The following CACNA1A variants were observed in gnomAD, a reference collection of about 807,000 sequenced individuals.
The protein encoded by CACNA1A is calcium voltage-gated channel subunit alpha1 A, also known as voltage-dependent P/Q-type calcium channel subunit alpha-1A.
Under a neutral mutation model 262.4 loss-of-function variants are expected in CACNA1A, and 57 were observed. The observed-to-expected ratio is 0.22, with a 90% CI of 0.18 to 0.27. The LOEUF is 0.27. Among genes scored for constraint, CACNA1A ranks in the 10% least tolerant of loss-of-function variants. CACNA1A has a pLI of 1.00. For missense variants in CACNA1A, 2,526 were observed against 3,562.8 expected (o/e 0.71, Z 7.41); for synonymous variants, 1,431 against 1,419.3 (o/e 1.01, Z -0.18).
At chr19:13,291,837 G>A (rs2057546468) in intron 19 of CACNA1A, among the ~76,000 whole-genome samples, 1 of 151,918 alleles carries the variant, frequency 6.6e-6, no homozygotes, top group African/African-American at 2.4e-5. Flanking sequence ...CCCATTGGGG[G>A]TACCGTAAGA....
chr19:13,427,774 A>AAAACAAACAAAC (rs60914806), intron 3 of CACNA1A, among the ~76,000 whole-genome samples: 1 of 150,798 alleles, frequency 6.6e-6, no homozygotes, highest in African/African-American at 2.5e-5. Flanking sequence ...CACAGTGGTA[A>AAAACAAACAAAC]AAACAAACAA....
rs375344135 is a variant in CACNA1A, at chr19:13,414,521, G to C, written c.539+38355C>G. 1.3e-4 allele frequency among the ~76,000 whole-genome samples: 20 copies of C among 152,272 alleles called. 1 individual carries two copies. Among genetic ancestry groups the C allele is most frequent in the African/African-American group, 4.8e-4 (20 of 41,552 alleles). ...TGTTGGAGACACGTGGCACAAGAAA[G>C]GTGTCATCTAGATGGACAGAAGACC... is the stretch of plus-strand genomic sequence containing the variant. On this transcript the variant is annotated intron_variant, in intron 3 of 46. Coordinates refer to ENST00000360228, the MANE Select transcript of CACNA1A (RefSeq NM_001127222.2).
At chr19:13,431,931 C>T (rs543126400) in intron 3 of CACNA1A, among the ~76,000 whole-genome samples, 25 of 151,740 alleles carry the variant, frequency 1.6e-4, no homozygotes, top group African/African-American at 6.0e-4. Flanking sequence ...ATGGTGAAAC[C>T]CTGTCCCTAC....
intron 3 of CACNA1A, among the ~76,000 whole-genome samples, chr19:13,400,886 G>C (rs906287163): frequency 3.3e-5 from 5 of 152,118 alleles, no homozygotes; most frequent in Admixed American, 3.3e-4. Context: ...GTAAAGTGGC[G>C]TGATCTTTGC....
intron 3 of CACNA1A, among the ~76,000 whole-genome samples, chr19:13,419,912 CCT>C (rs141893108): frequency 0.039 from 5,969 of 151,680 alleles, 389 homozygotes; most frequent in African/African-American, 0.14. Context: ...ATGGTGAAAC[CCT>C]GTTTCTATTA....
At position 13,303,920 on chromosome 19, in the gene CACNA1A, C is replaced by G. The variant is rs202110625; in HGVS notation, c.1987-36G>C. ...AGGAAGAAACACACAGCCAACCCCC[C>G]TCTCAGCCACGGGCCCCTTGGAGAT... On this transcript the variant is annotated intron_variant, in intron 15 of 46. Transcript: ENST00000360228. 1.4e-5 allele frequency: 20 copies of G among 1,440,314 alleles called. No homozygotes were observed. The Admixed American group carries it at 1.9e-4, about 14-fold the overall frequency. 89.2% of individuals were successfully genotyped at this position (1,440,314 alleles called of 1,614,324 possible). A position where few individuals can be genotyped will look rare whatever the true frequency, so the allele number is the denominator to read the frequency against.
At chr19:13,234,350 CAAAAA>C (rs71168693) in intron 34 of CACNA1A, among the ~76,000 whole-genome samples, 29 of 71,244 alleles carry the variant, frequency 4.1e-4, no homozygotes, top group African/African-American at 1.5e-3. Context: ...ACTCCATCTC[CAAAAA>C]AAAAAAAAAA....
chr19:13,237,237 G>A lies in CACNA1A; in HGVS notation c.4951-1507C>T, dbSNP rs570504299. Among the ~76,000 whole-genome samples the A allele has an allele frequency of 2.9e-3, 434 of 152,182 alleles. 2 individuals carry two copies. The highest frequency in any genetic ancestry group is 1.0e-2 in the African/African-American group (414 of 41,536). ...CAGGCAGACATGGAAACCCTCCTTCGCTGGCCAGTACCCAGCAGGGTGAAG... is the reference window on the plus strand; with the variant it reads ...CAGGCAGACATGGAAACCCTCCTTCACTGGCCAGTACCCAGCAGGGTGAAG... On this transcript the variant is annotated intron_variant, in intron 31 of 46. Coordinates refer to ENST00000360228, the MANE Select transcript of CACNA1A (RefSeq NM_001127222.2).
intron 3 of CACNA1A, among the ~76,000 whole-genome samples, chr19:13,384,425 C>T (rs562282673): frequency 1.6e-4 from 25 of 152,234 alleles, no homozygotes; most frequent in African/African-American, 5.8e-4. Flanking sequence ...AGGCTGGGTG[C>T]GGTGGCTCAT....
chr19:13,285,041 C>G (rs375388960), intron 21 of CACNA1A, 27 bp downstream of exon 21: 12 of 1,613,526 alleles, frequency 7.4e-6, no homozygotes, highest in African/African-American at 6.7e-5. Flanking sequence ...CCAGGCCCCC[C>G]CTGCCCTTGC....
At chr19:13,279,680 T>C (rs538904031) in intron 22 of CACNA1A, among the ~76,000 whole-genome samples, 20 of 152,246 alleles carry the variant, frequency 1.3e-4, no homozygotes, top group South Asian at 6.2e-4. Flanking sequence ...AGACCAGGTT[T>C]TACCATATTG....
intron 3 of CACNA1A, among the ~76,000 whole-genome samples, chr19:13,377,979 C>A (rs11672688): frequency 0.49 from 74,054 of 151,596 alleles, 19,459 homozygotes; most frequent in African/African-American, 0.69. Context: ...AATAAAAAAA[C>A]AATCCACAAC....
chr19:13,503,948 C>T (rs1008479358), intron 1 of CACNA1A, among the ~76,000 whole-genome samples: 1 of 152,116 alleles, frequency 6.6e-6, no homozygotes, highest in Non-Finnish European at 1.5e-5. Flanking sequence ...CCCCCTCTCC[C>T]CCAACAGCCC....
At chr19:13,216,335 TTTA>T (rs1051454171) in intron 38 of CACNA1A, among the ~76,000 whole-genome samples, 12 of 152,180 alleles carry the variant, frequency 7.9e-5, no homozygotes, top group Admixed American at 1.3e-4. Context: ...TATTATTATT[TTTA>T]TTATTGTTAT....
chr19:13,378,876 C>T (rs960315415), intron 3 of CACNA1A, among the ~76,000 whole-genome samples: 3 of 151,590 alleles, frequency 2.0e-5, no homozygotes, highest in Admixed American at 2.0e-4. Context: ...ACCATGTTGG[C>T]TGGGCTGGTT....
chr19:13,388,534 G>C (rs1349205045), intron 3 of CACNA1A, among the ~76,000 whole-genome samples: 1 of 152,110 alleles, frequency 6.6e-6, no homozygotes. Flanking sequence ...GGGGTTACAG[G>C]CGTGAGCCAC....
intron 19 of CACNA1A, among the ~76,000 whole-genome samples, chr19:13,296,515 T>A (rs570991251): frequency 2.0e-5 from 3 of 152,344 alleles, no homozygotes; most frequent in African/African-American, 7.2e-5. Flanking sequence ...TCTGAATGGA[T>A]AAGTTGCTGG....
intron 38 of CACNA1A, among the ~76,000 whole-genome samples, chr19:13,219,614 A>G (rs1013572351): frequency 1.3e-5 from 2 of 152,252 alleles, no homozygotes; most frequent in Non-Finnish European, 2.9e-5. Flanking sequence ...TCAAACACTA[A>G]TCTAGGGACC....
At chr19:13,251,698 A>T (rs1000586794) in intron 30 of CACNA1A, among the ~76,000 whole-genome samples, 1 of 152,220 alleles carries the variant, frequency 6.6e-6, no homozygotes, top group African/African-American at 2.4e-5. Context: ...AGGGTTTGTT[A>T]TCTCCCTTTA....
Sources: allele counts gnomAD v4.1 joint callset (sites outside exome capture counted in the v4.1 genomes callset), GRCh38; gene constraint gnomAD v4.1.1; transcripts MANE v1.5; gene names NCBI Gene and HGNC (gene_info 2026-07-23, HGNC 2026-07-21).